The following SLC49A4 variants were observed in gnomAD, a reference collection of about 807,000 sequenced individuals.
The protein encoded by SLC49A4 is solute carrier family 49 member 4.
In SLC49A4, 36 loss-of-function variants were observed where a neutral mutation model predicts 50.6. The ratio of observed to expected loss-of-function variants is 0.71; its 90% CI spans 0.55 to 0.94. The LOEUF is 0.94. Ranked by LOEUF, SLC49A4 falls within the 40% of genes least tolerant of loss-of-function variation. The pLI is 0.00. For missense variants in SLC49A4, 503 were observed against 605.7 expected, an observed-to-expected ratio of 0.83 and a Z score of 1.78; for synonymous variants, 248 against 241.2, an observed-to-expected ratio of 1.03 and a Z score of -0.26.
At chr3:122,851,618 T>C (rs1936926962) in intron 5 of SLC49A4, among the ~76,000 whole-genome samples, 1 of 152,182 alleles carries the variant, frequency 6.6e-6, no homozygotes, top group South Asian at 2.1e-4. Context: ...GCATTTTTTT[T>C]CTAAATTTAT....
intron 8 of SLC49A4, among the ~76,000 whole-genome samples, chr3:122,877,852 A>G (rs1203243476): frequency 6.6e-6 from 1 of 152,180 alleles, no homozygotes. Flanking sequence ...GATCTCATAG[A>G]TCACATCTTC....
chr3:122,878,103 T>C (rs552914778), intron 8 of SLC49A4, among the ~76,000 whole-genome samples: 220 of 152,310 alleles, frequency 1.4e-3, no homozygotes, highest in African/African-American at 5.1e-3. Flanking sequence ...ATTGCTCCTT[T>C]AGCCATAAGA....
At chr3:122,868,361 G>T (rs1937149378) in intron 7 of SLC49A4, among the ~76,000 whole-genome samples, 2 of 152,142 alleles carry the variant, frequency 1.3e-5, no homozygotes, top group Admixed American at 1.3e-4. Flanking sequence ...CACTTCAGTT[G>T]TGTTTGTTCT....
At position 122,872,349 on chromosome 3, in the gene SLC49A4, G is replaced by A. The variant is rs569047588; in HGVS notation, c.1139-66G>A. 14 of 1,345,648 alleles carry A rather than the reference G, an allele frequency of 1.0e-5. No homozygotes were observed. The African/African-American group carries it at 1.3e-4, about 13-fold the overall frequency. The allele number at this position is 1,345,648 out of a possible 1,614,324, so 83.4% of individuals were successfully genotyped here. On this transcript the variant is annotated intron_variant, in intron 7 of 8. Transcript: ENST00000261038. ...CAATACTTAGGAAAGAGAACACCCC[G>A]AAGATCTATCTGATATGACTCACTG...
In SLC49A4 at chr3:122,872,581, C is replaced by A; in HGVS notation, c.1305C>A (p.Leu435=). 6.3e-7 allele frequency: 1 copy of A among 1,580,722 alleles called. No individual in the cohort carries two copies. Among genetic ancestry groups the A allele is most frequent in the Non-Finnish European group, 8.6e-7 (1 of 1,159,618 alleles). ...TTATGGGAGTACTTTTATTTTTTCT[C>A]ACATTTTATCATACAGGTAAGAAAT... ...NMFMGVLLFF[L]TFYHTELSWF... Residue 435 remains leucine (L), a synonymous_variant, in exon 8 of 9, where the codon CTC becomes CTA. Transcript: ENST00000261038.
intron 4 of SLC49A4, among the ~76,000 whole-genome samples, chr3:122,843,714 C>T (rs1303169120): frequency 6.6e-6 from 1 of 152,176 alleles, no homozygotes; most frequent in Non-Finnish European, 1.5e-5. Flanking sequence ...TTGATTTCCT[C>T]ATTGTATAGT....
At chr3:122,874,753 A>G (rs1937241604) in intron 8 of SLC49A4, among the ~76,000 whole-genome samples, 1 of 152,212 alleles carries the variant, frequency 6.6e-6, no homozygotes, top group African/African-American at 2.4e-5. Context: ...ATTAATTTTA[A>G]TCCACCAAGG....
intron 2 of SLC49A4, among the ~76,000 whole-genome samples, chr3:122,814,063 G>C (rs1165673388): frequency 1.3e-5 from 2 of 152,202 alleles, no homozygotes; most frequent in African/African-American, 4.8e-5. Flanking sequence ...TTGAGGCCAG[G>C]AGTTCAAGAC....
chr3:122,867,695 A>G (rs1937136626), intron 7 of SLC49A4, among the ~76,000 whole-genome samples: 1 of 152,254 alleles, frequency 6.6e-6, no homozygotes, highest in Non-Finnish European at 1.5e-5. Context: ...ATAAAAATGT[A>G]TTCAGGCTAG....
intron 7 of SLC49A4, among the ~76,000 whole-genome samples, chr3:122,864,535 G>A (rs1039329661): frequency 7.9e-5 from 12 of 152,144 alleles, no homozygotes; most frequent in African/African-American, 2.7e-4. Context: ...AAGTTGCCTT[G>A]GGAGAGATTA....
chr3:122,819,526 C>T (rs982245831), intron 2 of SLC49A4, among the ~76,000 whole-genome samples: 3 of 151,990 alleles, frequency 2.0e-5, no homozygotes, highest in African/African-American at 7.3e-5. Flanking sequence ...TTGACCATAG[C>T]AGATACTCAA....
At chr3:122,863,679 T>G (rs934727568) in intron 7 of SLC49A4, among the ~76,000 whole-genome samples, 8 of 152,244 alleles carry the variant, frequency 5.3e-5, no homozygotes, top group African/African-American at 1.9e-4. Context: ...TCATGTTTCT[T>G]TTTTACTGGT....
intron 2 of SLC49A4, among the ~76,000 whole-genome samples, chr3:122,819,581 A>T (rs956673555): frequency 1.3e-5 from 2 of 152,202 alleles, no homozygotes; most frequent in African/African-American, 4.8e-5. Flanking sequence ...TTAATAAAGG[A>T]TACAAAAATA....
rs1344697914 is a variant in SLC49A4 at position 122,819,402 on chromosome 3, TA to T, written c.438-7397del. On this transcript the variant is annotated intron_variant, in intron 2 of 8. Coordinates refer to ENST00000261038, the MANE Select transcript of SLC49A4 (RefSeq NM_032839.3). ...AGCTAATCTAATATTATTTTCACTGTATTTTTTTATGTATTTTCTATAGCTG... is the reference window on the plus strand; with the variant it reads ...AGCTAATCTAATATTATTTTCACTGTTTTTTTTATGTATTTTCTATAGCTG... 2.8e-4 allele frequency among the ~76,000 whole-genome samples: 42 copies of T among 152,336 alleles called. 1 individual carries two copies. The highest frequency in any genetic ancestry group is 2.3e-3 in the Admixed American group (35 of 15,308).
chr3:122,846,829 T>C (rs1398524165), intron 5 of SLC49A4, among the ~76,000 whole-genome samples: 1 of 152,244 alleles, frequency 6.6e-6, no homozygotes, highest in East Asian at 1.9e-4. Context: ...TTGAGTCTCT[T>C]GCCCACTATT....
At chr3:122,821,153 A>G (rs1936446404) in intron 2 of SLC49A4, among the ~76,000 whole-genome samples, 2 of 152,162 alleles carry the variant, frequency 1.3e-5, no homozygotes, top group Non-Finnish European at 2.9e-5. Flanking sequence ...CATGATTCTG[A>G]GGCCTTCCAG....
At chr3:122,858,280 A>C (rs975558067) in intron 6 of SLC49A4, among the ~76,000 whole-genome samples, 3 of 152,206 alleles carry the variant, frequency 2.0e-5, no homozygotes, top group Admixed American at 1.3e-4. Flanking sequence ...GTTTCTGTGA[A>C]ACTTTCTTGC....
At chr3:122,831,432 A>G (rs140521173) in intron 3 of SLC49A4, among the ~76,000 whole-genome samples, 3 of 152,290 alleles carry the variant, frequency 2.0e-5, no homozygotes, top group Non-Finnish European at 4.4e-5. Flanking sequence ...ATTATTTGAC[A>G]ATAAAAAATA....
intron 4 of SLC49A4, among the ~76,000 whole-genome samples, chr3:122,841,825 A>G (rs546008458): frequency 6.6e-6 from 1 of 152,322 alleles, no homozygotes; most frequent in African/African-American, 2.4e-5. Flanking sequence ...TTCAGTATAT[A>G]TGTTGCATAT....
Sources: gnomAD v4.1 joint callset for allele counts (sites outside exome capture counted in the v4.1 genomes callset) on GRCh38, gnomAD v4.1.1 for gene constraint, MANE v1.5 for transcripts, NCBI Gene and HGNC (gene_info 2026-07-23, HGNC 2026-07-21) for gene names.